Variants in PCDH11X observed in about 807,000 individuals in gnomAD.
PCDH11X encodes protocadherin-11 X-linked.
In PCDH11X, 18 loss-of-function variants were observed where a neutral mutation model predicts 53.3. The observed-to-expected ratio is 0.34, with a 90% CI of 0.23 to 0.50. The LOEUF (loss-of-function observed/expected upper bound fraction) is 0.50, where lower values mean the gene tolerates loss of function less well. Ranked by LOEUF, PCDH11X falls within the 20% of genes least tolerant of loss-of-function variation. The probability of loss-of-function intolerance (pLI) is 0.98; values close to 1 mark genes in which losing one functional copy is unlikely to be tolerated. For missense variants in PCDH11X, 570 were observed against 1,032.4 expected (o/e 0.55, Z 6.14); for synonymous variants, 279 against 393.3 (o/e 0.71, Z 3.44).
At chrX:92,101,324 A>G (rs1468707727) in intron 6 of PCDH11X, among the ~76,000 whole-genome samples, 2 of 111,656 alleles carry the variant, frequency 1.8e-5, no homozygotes, top group South Asian at 3.8e-4. Context: ...AAAAAGGAGC[A>G]TCTATACAGG....
intron 10 of PCDH11X, among the ~76,000 whole-genome samples, chrX:92,525,915 G>A (rs190201358): frequency 6.3e-4 from 70 of 110,903 alleles, no homozygotes; most frequent in African/African-American, 2.2e-3. Flanking sequence ...GATTAAACAC[G>A]GAGTGCTACC....
chrX:92,475,164 C>CAAAAAAAAA (rs761171281), intron 10 of PCDH11X, among the ~76,000 whole-genome samples: 2 of 30,541 alleles, frequency 6.5e-5, no homozygotes, highest in African/African-American at 1.6e-4. Flanking sequence ...GACTCCGTCT[C>CAAAAAAAAA]AAAAAAAAAA....
At chrX:92,447,993 T>C (rs1434164529) in intron 9 of PCDH11X, among the ~76,000 whole-genome samples, 3 of 106,723 alleles carry the variant, frequency 2.8e-5, no homozygotes, top group Admixed American at 2.0e-4. Flanking sequence ...TGGACCTCCA[T>C]GGGGCCTGTA....
chrX:92,424,990 C>T lies in PCDH11X; in HGVS notation c.3343+37057C>T, dbSNP rs1331734385. Among the ~76,000 whole-genome samples, 3 of 97,164 alleles carry T rather than the reference C, an allele frequency of 3.1e-5. No homozygotes were observed. In the Admixed American group the frequency reaches 3.3e-4, roughly 11 times the overall value. The allele number at this position is 97,164 out of a possible 115,157, so 84.4% of individuals were successfully genotyped here. On this transcript the variant is annotated intron_variant, in intron 9 of 10. Transcript: ENST00000682573. ...GCTTGAGACCCAAACCTTTGAGAAG[C>T]AGATGCTGGCTAACTGGTAGTGGTA...
chrX:92,140,120 A>C (rs2065155590), intron 6 of PCDH11X, among the ~76,000 whole-genome samples: 1 of 110,912 alleles, frequency 9.0e-6, no homozygotes, highest in Non-Finnish European at 1.9e-5. Context: ...CAAAAGGAGA[A>C]TTTTGAAATA....
chrX:91,875,827 A>C (rs940059595), intron 5 of PCDH11X, among the ~76,000 whole-genome samples: 1 of 110,162 alleles, frequency 9.1e-6, no homozygotes, highest in Non-Finnish European at 1.9e-5. Flanking sequence ...TGTATTTTAT[A>C]CAAATTTATA....
At chrX:92,163,946 A>G (rs1269917764) in intron 6 of PCDH11X, among the ~76,000 whole-genome samples, 1 of 111,481 alleles carries the variant, frequency 9.0e-6, no homozygotes, top group Non-Finnish European at 1.9e-5. Flanking sequence ...TTACAGTTAA[A>G]AAAATGAAAT....
At chrX:92,521,581 C>G (rs2750929) in intron 10 of PCDH11X, among the ~76,000 whole-genome samples, 5 of 112,281 alleles carry the variant, frequency 4.5e-5, no homozygotes, top group Non-Finnish European at 7.5e-5. Context: ...CTGGTTTCAA[C>G]TTAAAGTTGT....
chrX:92,248,895 G>A (rs972241215), intron 7 of PCDH11X, among the ~76,000 whole-genome samples: 2 of 109,767 alleles, frequency 1.8e-5, no homozygotes, highest in Non-Finnish European at 3.8e-5. Flanking sequence ...GTAGAGACAG[G>A]GTTTCACCAC....
intron 6 of PCDH11X, among the ~76,000 whole-genome samples, chrX:91,999,419 T>G (rs2062472435): frequency 8.9e-6 from 1 of 111,817 alleles, no homozygotes; most frequent in African/African-American, 3.2e-5. Flanking sequence ...GATATTTGTT[T>G]ACACTCTTAA....
intron 10 of PCDH11X, among the ~76,000 whole-genome samples, chrX:92,577,322 T>G (rs998445105): frequency 1.4e-4 from 15 of 109,092 alleles, no homozygotes; most frequent in Middle Eastern, 4.2e-3. Flanking sequence ...ATTTTTCTAG[T>G]TTATGTGCAT....
intron 10 of PCDH11X, among the ~76,000 whole-genome samples, chrX:92,561,990 G>T (rs1432723652): frequency 9.3e-6 from 1 of 107,604 alleles, no homozygotes; most frequent in Non-Finnish European, 1.9e-5. Flanking sequence ...CAGAGATTGA[G>T]TAATTTATAA....
At chrX:92,214,724 G>C (rs1246022784) in intron 7 of PCDH11X, among the ~76,000 whole-genome samples, 1 of 111,260 alleles carries the variant, frequency 9.0e-6, no homozygotes, top group East Asian at 2.9e-4. Flanking sequence ...GTTAAATTCT[G>C]TACTTAGATA....
At chrX:91,892,837 G>C (rs34909141) in intron 6 of PCDH11X, among the ~76,000 whole-genome samples, 22,330 of 108,566 alleles carry the variant, frequency 0.21, 1,983 homozygotes, top group East Asian at 0.29. Flanking sequence ...TTTTAGTAGA[G>C]ACTGGGGTTA....
intron 6 of PCDH11X, among the ~76,000 whole-genome samples, chrX:92,170,597 T>A (rs967788204): frequency 1.6e-4 from 18 of 109,525 alleles, no homozygotes; most frequent in South Asian, 4.0e-4. Context: ...TCTATTTTTT[T>A]AAAATCTTTT....
chrX:92,589,407 A>G (rs755731427), intron 10 of PCDH11X, among the ~76,000 whole-genome samples: 1 of 111,966 alleles, frequency 8.9e-6, no homozygotes, highest in African/African-American at 3.2e-5. Context: ...GTACAATAAC[A>G]TATAAATATT....
intron 6 of PCDH11X, among the ~76,000 whole-genome samples, chrX:92,081,300 G>T (rs1019379291): frequency 1.8e-5 from 2 of 109,944 alleles, no homozygotes; most frequent in African/African-American, 6.6e-5. Context: ...ACCTAGCTCT[G>T]CCCCTGCTTG....
intron 6 of PCDH11X, among the ~76,000 whole-genome samples, chrX:92,194,208 C>T (rs1311488354): frequency 9.0e-6 from 1 of 111,690 alleles, no homozygotes; most frequent in Non-Finnish European, 1.9e-5. Flanking sequence ...GAGGAGTAAT[C>T]TTGAGCGATT....
chrX:92,075,112 G>A (rs1247198436), intron 6 of PCDH11X, among the ~76,000 whole-genome samples: 3 of 109,394 alleles, frequency 2.7e-5, no homozygotes, highest in Admixed American at 9.9e-5. Flanking sequence ...ATTACACAGA[G>A]GGATTGTGTT....
Sources: allele counts gnomAD v4.1 joint callset (sites outside exome capture counted in the v4.1 genomes callset), GRCh38; gene constraint gnomAD v4.1.1; transcripts MANE v1.5; gene names NCBI Gene and HGNC (gene_info 2026-07-23, HGNC 2026-07-21).